Variants in SLC44A5 observed in about 807,000 individuals in gnomAD.
SLC44A5 encodes the protein choline transporter-like protein 5.
A neutral mutation model predicts 101.8 loss-of-function variants in SLC44A5; 57 were observed. That is an observed-to-expected ratio of 0.56 (90% CI 0.45 to 0.70). The LOEUF (loss-of-function observed/expected upper bound fraction) is 0.70. Among genes scored for constraint, SLC44A5 ranks in the 30% least tolerant of loss-of-function variants. The pLI, the probability that SLC44A5 is intolerant of heterozygous loss-of-function variation, is 0.00. For synonymous variants in SLC44A5, 281 were observed against 290.9 expected, an observed-to-expected ratio of 0.97 and a Z score of 0.35; for missense variants, 737 against 853.1, an observed-to-expected ratio of 0.86 and a Z score of 1.70.
At position 75,218,719 on chromosome 1, in the gene SLC44A5, G is replaced by A; in HGVS notation, c.1300C>T (p.Pro434Ser). The change falls in exon 17 of 24, where the codon CCT (proline) becomes TCT (serine). Residue 434 changes from proline to serine, a missense_variant. By Grantham distance (74) the Pro-to-Ser change is moderately conservative. This residue lies in a region of SLC44A5 where 665 missense variants were observed against 764.4 expected (regional missense o/e 0.87). Coordinates refer to ENST00000370859, the MANE Select transcript of SLC44A5 (RefSeq NM_001130058.2). ...AAAGCAAAGTTACACAGAGCCCCAG[G>A]GCAAGCTTTGGCAATTTCAGTTGTA... Reference protein sequence around the residue: ...FNTTEIAKACPGALCNFAFYG... With the variant: ...FNTTEIAKACSGALCNFAFYG... 6.2e-7 allele frequency: 1 copy of A among 1,612,382 alleles called. No individual in the cohort carries two copies. Among genetic ancestry groups the A allele is most frequent in the Non-Finnish European group, 8.5e-7 (1 of 1,179,286 alleles).
intron 1 of SLC44A5, among the ~76,000 whole-genome samples, chr1:75,550,593 A>G (rs1671886971): frequency 6.6e-6 from 1 of 152,118 alleles, no homozygotes; most frequent in African/African-American, 2.4e-5. Flanking sequence ...TCATTATTTG[A>G]ACAATAGACT....
intron 1 of SLC44A5, among the ~76,000 whole-genome samples, chr1:75,557,705 A>T (rs1486777614): frequency 6.6e-6 from 1 of 152,156 alleles, no homozygotes; most frequent in Non-Finnish European, 1.5e-5. Context: ...GATTAAGCCT[A>T]TACACATTTA....
At chr1:75,682,584 C>T in the SLC44A5 span, among the ~76,000 whole-genome samples, 7 of 151,938 alleles carry the variant, frequency 4.6e-5, no homozygotes, top group Non-Finnish European at 8.8e-5. Flanking sequence ...CCCTTCCTTA[C>T]ACCTTATACA....
chr1:75,654,132 T>C, the SLC44A5 span, among the ~76,000 whole-genome samples: 3 of 152,198 alleles, frequency 2.0e-5, no homozygotes, highest in Non-Finnish European at 2.9e-5. Context: ...TGACCCTTAA[T>C]TGTTACAATA....
At chr1:75,573,699 C>T (rs1318643067) in intron 1 of SLC44A5, among the ~76,000 whole-genome samples, 2 of 151,672 alleles carry the variant, frequency 1.3e-5, no homozygotes, top group Non-Finnish European at 2.9e-5. Context: ...CAAACTATGC[C>T]GATTTATTGT....
intron 2 of SLC44A5, among the ~76,000 whole-genome samples, chr1:75,535,071 CT>C (rs34439007): frequency 0.67 from 93,609 of 139,488 alleles, 32,218 homozygotes; most frequent in East Asian, 0.93. Context: ...ATTGAAGCTG[CT>C]TTTTTTTTTT....
intron 1 of SLC44A5, among the ~76,000 whole-genome samples, chr1:75,568,169 G>A (rs973764520): frequency 6.6e-6 from 1 of 152,152 alleles, no homozygotes; most frequent in African/African-American, 2.4e-5. Context: ...CAGTAAATTA[G>A]TTTAAATAGA....
intron 2 of SLC44A5, among the ~76,000 whole-genome samples, chr1:75,440,305 G>C (rs533162547): frequency 1.3e-5 from 2 of 152,212 alleles, no homozygotes; most frequent in Admixed American, 1.3e-4. Context: ...TTTGGACAAA[G>C]ACCTGAGGGA....
chr1:75,318,310 G>A (rs185364816), intron 4 of SLC44A5, among the ~76,000 whole-genome samples: 17 of 151,912 alleles, frequency 1.1e-4, no homozygotes, highest in African/African-American at 1.9e-4. Context: ...TGAAGCGTTC[G>A]AGGCTACAGT....
At chr1:75,551,336 T>C (rs1327938438) in intron 1 of SLC44A5, among the ~76,000 whole-genome samples, 4 of 152,252 alleles carry the variant, frequency 2.6e-5, no homozygotes, top group Middle Eastern at 3.4e-3. Context: ...TATATTCCTA[T>C]GGTGGAGAAG....
At chr1:75,491,723 G>A (rs528176889) in intron 2 of SLC44A5, among the ~76,000 whole-genome samples, 4 of 146,286 alleles carry the variant, frequency 2.7e-5, no homozygotes, top group South Asian at 2.1e-4. Context: ...ACACAAGCAC[G>A]CACGCACGCA....
intron 2 of SLC44A5, among the ~76,000 whole-genome samples, chr1:75,438,972 A>G (rs149291599): frequency 1.3e-5 from 2 of 152,222 alleles, no homozygotes; most frequent in East Asian, 3.9e-4. Flanking sequence ...AGCACAAAAT[A>G]AGCAAGCAAT....
chr1:75,391,155 T>G (rs1294081953), intron 3 of SLC44A5, among the ~76,000 whole-genome samples: 1 of 151,938 alleles, frequency 6.6e-6, no homozygotes, highest in Admixed American at 6.6e-5. Context: ...AATAGAGAAC[T>G]ACAAGGAGAA....
chr1:75,397,277 T>A (rs1446229364), intron 2 of SLC44A5, among the ~76,000 whole-genome samples: 1 of 152,134 alleles, frequency 6.6e-6, no homozygotes, highest in South Asian at 2.1e-4. Context: ...GCTTCAAGTG[T>A]CACATATGTT....
chr1:75,592,367 G>A (rs1236809622), intron 1 of SLC44A5, among the ~76,000 whole-genome samples: 1 of 151,732 alleles, frequency 6.6e-6, no homozygotes, highest in Admixed American at 6.6e-5. Context: ...GGAAATTAAA[G>A]AGGACACCAA....
At chr1:75,235,356 T>C (rs1199915021) in intron 11 of SLC44A5, among the ~76,000 whole-genome samples, 2 of 152,006 alleles carry the variant, frequency 1.3e-5, no homozygotes. Context: ...TTTACTCTTA[T>C]GAGTGGTGCC....
At chr1:75,677,753 G>A in the SLC44A5 span, 2 of 439,494 alleles carry the variant, frequency 4.6e-6, no homozygotes, top group Admixed American at 2.6e-5. Flanking sequence ...ATTTCCAAGG[G>A]AGGAACCAAG....
chr1:75,580,439 A>G (rs1421438555), intron 1 of SLC44A5, among the ~76,000 whole-genome samples: 1 of 152,238 alleles, frequency 6.6e-6, no homozygotes, highest in African/African-American at 2.4e-5. Context: ...CTGCTTGTTC[A>G]TGGTAGGAAG....
chr1:75,529,207 C>A (rs1474231956), intron 2 of SLC44A5, among the ~76,000 whole-genome samples: 1 of 152,114 alleles, frequency 6.6e-6, no homozygotes, highest in Non-Finnish European at 1.5e-5. Context: ...CTAATTTTAA[C>A]CTCTGGTTGC....
Sources: allele counts gnomAD v4.1 joint callset (sites outside exome capture counted in the v4.1 genomes callset), GRCh38; gene constraint gnomAD v4.1.1; regional missense constraint gnomAD v4.1.1; transcripts MANE v1.5; gene names NCBI Gene and HGNC (gene_info 2026-07-23, HGNC 2026-07-21).